RAPGEF4: variants seen among roughly 807,000 people sequenced by gnomAD.
RAPGEF4 encodes Rap guanine nucleotide exchange factor 4.
A neutral mutation model predicts 147.9 loss-of-function variants in RAPGEF4; 66 were observed. That is an observed-to-expected ratio of 0.45 (90% CI 0.37 to 0.55). The LOEUF (loss-of-function observed/expected upper bound fraction) is 0.55. Ranked by LOEUF, RAPGEF4 falls within the 20% of genes least tolerant of loss-of-function variation. The pLI is 0.00. For synonymous variants in RAPGEF4, 419 were observed against 442.7 expected (o/e 0.95, Z 0.67); for missense variants, 1,071 against 1,257.3 (o/e 0.85, Z 2.24).
intron 24 of RAPGEF4, 67 bp from the exon 25 acceptor site, chr2:173,027,014 A>G (rs1401719987): frequency 1.4e-6 from 2 of 1,398,794 alleles, no homozygotes; most frequent in East Asian, 2.3e-5. Context: ...GTCTTGACAA[A>G]TAGAGAAACC....
intron 2 of RAPGEF4, among the ~76,000 whole-genome samples, chr2:172,796,490 C>T (rs1056340061): frequency 3.3e-5 from 5 of 152,086 alleles, no homozygotes; most frequent in African/African-American, 1.2e-4. Context: ...GAGGCTGAGG[C>T]AGGAGAATTG....
At chr2:172,872,732 G>T (rs1050037902) in intron 4 of RAPGEF4, among the ~76,000 whole-genome samples, 3 of 152,016 alleles carry the variant, frequency 2.0e-5, no homozygotes, top group Admixed American at 6.6e-5. Context: ...CTCCTTGATT[G>T]TAAGTTTCCC....
intron 4 of RAPGEF4, among the ~76,000 whole-genome samples, chr2:172,838,046 T>C (rs1002715210): frequency 2.0e-5 from 3 of 152,144 alleles, no homozygotes; most frequent in African/African-American, 7.2e-5. Flanking sequence ...AAGAGATACT[T>C]TGGAAAAGAG....
At chr2:172,833,101 G>C (rs1690536463) in intron 4 of RAPGEF4, among the ~76,000 whole-genome samples, 1 of 152,070 alleles carries the variant, frequency 6.6e-6, no homozygotes, top group South Asian at 2.1e-4. Flanking sequence ...CTACTCAGGA[G>C]GCTGAGGCAG....
intron 11 of RAPGEF4, among the ~76,000 whole-genome samples, chr2:172,985,139 G>A (rs1399937053): frequency 6.6e-6 from 1 of 152,228 alleles, no homozygotes; most frequent in Non-Finnish European, 1.5e-5. Context: ...GCCAAAGACA[G>A]GCAGGCAAGT....
chr2:172,890,928 G>A (rs1261800976), intron 4 of RAPGEF4, among the ~76,000 whole-genome samples: 4 of 152,144 alleles, frequency 2.6e-5, no homozygotes, highest in South Asian at 2.1e-4. Flanking sequence ...CCAGGAGTTC[G>A]AGACCAGCCT....
At chr2:172,972,437 A>C in intron 10 of RAPGEF4, among the ~76,000 whole-genome samples, 1 of 152,182 alleles carries the variant, frequency 6.6e-6, no homozygotes, top group East Asian at 1.9e-4. Flanking sequence ...GTTCATCTCA[A>C]ATGTTAATCA....
At chr2:172,913,796 G>A (rs756052376) in intron 4 of RAPGEF4, among the ~76,000 whole-genome samples, 10 of 152,052 alleles carry the variant, frequency 6.6e-5, no homozygotes, top group South Asian at 2.1e-4. Context: ...AACATCAACC[G>A]TTCTTGAGTC....
intron 1 of RAPGEF4, among the ~76,000 whole-genome samples, chr2:172,766,423 G>A (rs1209508024): frequency 3.9e-5 from 6 of 151,976 alleles, no homozygotes; most frequent in African/African-American, 1.2e-4. Flanking sequence ...ATGCTGGCAC[G>A]CGCCCATAGT....
intron 4 of RAPGEF4, among the ~76,000 whole-genome samples, chr2:172,818,981 A>G (rs1452309437): frequency 6.6e-6 from 1 of 152,246 alleles, no homozygotes; most frequent in African/African-American, 2.4e-5. Context: ...TTTAAAAATC[A>G]TCATCATGAA....
intron 4 of RAPGEF4, among the ~76,000 whole-genome samples, chr2:172,887,576 G>T (rs780222952): frequency 6.6e-6 from 1 of 152,142 alleles, no homozygotes; most frequent in Non-Finnish European, 1.5e-5. Context: ...TATCGTTTAT[G>T]CTTGCTTTAG....
intron 3 of RAPGEF4, among the ~76,000 whole-genome samples, chr2:172,813,711 G>A (rs536163230): frequency 1.3e-5 from 2 of 151,632 alleles, no homozygotes; most frequent in Non-Finnish European, 2.9e-5. Flanking sequence ...GCTCAGCTTC[G>A]ATAGATTTCT....
At chr2:173,024,598 G>A (rs1169272163) in intron 23 of RAPGEF4, among the ~76,000 whole-genome samples, 2 of 152,192 alleles carry the variant, frequency 1.3e-5, no homozygotes, top group African/African-American at 4.8e-5. Flanking sequence ...ATGATTCACT[G>A]AAATCACTCC....
chr2:173,018,290 G>A (rs983375362), intron 21 of RAPGEF4, among the ~76,000 whole-genome samples: 1 of 152,210 alleles, frequency 6.6e-6, no homozygotes, highest in Non-Finnish European at 1.5e-5. Flanking sequence ...GAGGTGAATG[G>A]TGTCTCCCCA....
At chr2:172,747,204 T>C (rs1047466471) in intron 1 of RAPGEF4, among the ~76,000 whole-genome samples, 4 of 152,226 alleles carry the variant, frequency 2.6e-5, no homozygotes, top group East Asian at 1.9e-4. Context: ...TTCATCTTCA[T>C]TGAGGCACAA....
Position 172,806,111 on chromosome 2 carries a change from C to A in RAPGEF4, c.298-8168C>A, listed in dbSNP as rs549660027. On this transcript the variant is annotated intron_variant, in intron 3 of 30. Coordinates refer to ENST00000397081, the MANE Select transcript of RAPGEF4 (RefSeq NM_007023.4). ...AGAGAGAAGGTCCTGTTTTTCTCTG[C>A]AGATTTTTTAAGTGAGGGGCTTTTT... Among the ~76,000 whole-genome samples, 40 of 150,216 alleles carry A rather than the reference C, an allele frequency of 2.7e-4. No individual in the cohort carries two copies. In the South Asian group the frequency reaches 3.2e-3, roughly 12 times the overall value.
chr2:172,832,422 C>T (rs768807492), intron 4 of RAPGEF4, among the ~76,000 whole-genome samples: 11 of 152,162 alleles, frequency 7.2e-5, no homozygotes, highest in Non-Finnish European at 1.3e-4. Context: ...CTCTTGTTCT[C>T]CTCAGAGGAA....
intron 4 of RAPGEF4, among the ~76,000 whole-genome samples, chr2:172,823,306 T>A (rs111404303): frequency 0.012 from 1,767 of 152,326 alleles, 36 homozygotes; most frequent in African/African-American, 0.038. Context: ...TTGTGTTGTG[T>A]GGCACTCTGG....
In RAPGEF4 at chr2:173,023,233, G is replaced by C. The variant is rs543537657; in HGVS notation, c.2253+2518G>C. Reference sequence around the variant, plus strand: ...TTTTATGTCTTAGTCTCCTCATCTGGAAAATGGGAGGATAACAATGCTACT... The same window carrying C: ...TTTTATGTCTTAGTCTCCTCATCTGCAAAATGGGAGGATAACAATGCTACT... On this transcript the variant is annotated intron_variant, in intron 23 of 30. Transcript: ENST00000397081. Among the ~76,000 whole-genome samples the C allele has an allele frequency of 7.2e-5, 11 of 152,286 alleles. No individual in the cohort carries two copies. The East Asian group carries it at 1.9e-3, about 27-fold the overall frequency.
Sources: allele counts gnomAD v4.1 joint callset (sites outside exome capture counted in the v4.1 genomes callset), GRCh38; gene constraint gnomAD v4.1.1; transcripts MANE v1.5; gene names NCBI Gene and HGNC (gene_info 2026-07-23, HGNC 2026-07-21).